The following FLI1 variants were observed in gnomAD, a reference collection of about 807,000 sequenced individuals.
FLI1 encodes Fli-1 proto-oncogene, ETS transcription factor.
Under a neutral mutation model 53.1 loss-of-function variants are expected in FLI1, and 13 were observed. The observed-to-expected ratio is 0.24, with a 90% CI of 0.16 to 0.39. The LOEUF is 0.39. Among genes scored for constraint, FLI1 ranks in the 10% least tolerant of loss-of-function variants. FLI1 has a pLI of 1.00. For missense variants in FLI1, 424 were observed against 600.5 expected (o/e 0.71, Z 3.07); for synonymous variants, 244 against 236.7 (o/e 1.03, Z -0.28).
chr11:128,695,585 A>G (rs1938035761), intron 1 of FLI1, among the ~76,000 whole-genome samples: 1 of 151,874 alleles, frequency 6.6e-6, no homozygotes, highest in Non-Finnish European at 1.5e-5. Flanking sequence ...TTTTTTTATG[A>G]AAGTTTGAAA....
intron 1 of FLI1, among the ~76,000 whole-genome samples, chr11:128,694,973 A>T (rs980439504): frequency 3.3e-5 from 5 of 150,770 alleles, no homozygotes; most frequent in African/African-American, 9.8e-5. Flanking sequence ...AACCTTCCCC[A>T]GCCCCCGTCC....
chr11:128,689,028 T>C (rs942521061), upstream of FLI1, among the ~76,000 whole-genome samples: 2 of 152,210 alleles, frequency 1.3e-5, no homozygotes, highest in African/African-American at 2.4e-5. Flanking sequence ...AGGCAAGTTC[T>C]AAAGGCTTAT....
At chr11:128,809,292 A>G (rs1942873840) in intron 8 of FLI1, 88 bp downstream of exon 8, 1 of 1,113,120 alleles carries the variant, frequency 9.0e-7, no homozygotes, top group Non-Finnish European at 1.4e-6. Flanking sequence ...AAGTCCAGAC[A>G]CCTGAGTGGG....
chr11:128,802,609 G>A (rs1942665288), intron 5 of FLI1, among the ~76,000 whole-genome samples: 2 of 152,230 alleles, frequency 1.3e-5, no homozygotes, highest in African/African-American at 4.8e-5. Context: ...ACCTATGTGA[G>A]GACTGTAGCA....
intron 1 of FLI1, among the ~76,000 whole-genome samples, chr11:128,745,727 A>T (rs377230393): frequency 1.7e-4 from 26 of 152,308 alleles, no homozygotes; most frequent in Middle Eastern, 3.4e-3. Flanking sequence ...GCTGCCAGTC[A>T]CACAAAGCGT....
At chr11:128,697,583 T>C (rs1565453952) in intron 1 of FLI1, among the ~76,000 whole-genome samples, 1 of 152,220 alleles carries the variant, frequency 6.6e-6, no homozygotes, top group Non-Finnish European at 1.5e-5. Context: ...TTTCCTTATC[T>C]AGAAAATGGG....
At chr11:128,697,152 TA>T (rs1410794460) in intron 1 of FLI1, among the ~76,000 whole-genome samples, 1 of 152,202 alleles carries the variant, frequency 6.6e-6, no homozygotes, top group African/African-American at 2.4e-5. Flanking sequence ...TTATCAGTGT[TA>T]AAAAGCACAT....
upstream of FLI1, among the ~76,000 whole-genome samples, chr11:128,685,708 CAAAAAAAAAAA>C (rs5795633): frequency 3.0e-4 from 17 of 57,618 alleles, no homozygotes; most frequent in Middle Eastern, 0.022. Flanking sequence ...CTTGAGGAGC[CAAAAAAAAAAA>C]AAAAAAAAAA....
At chr11:128,802,781 G>A (rs537966387) in intron 5 of FLI1, among the ~76,000 whole-genome samples, 2 of 152,218 alleles carry the variant, frequency 1.3e-5, no homozygotes, top group African/African-American at 4.8e-5. Flanking sequence ...CTTTAACCAG[G>A]CTCCATCACT....
chr11:128,741,623 G>A (rs644515), intron 1 of FLI1, among the ~76,000 whole-genome samples: 56,838 of 152,012 alleles, frequency 0.37, 10,915 homozygotes, highest in South Asian at 0.45. Context: ...CCTTCTTGCT[G>A]TGTGATCTGC....
chr11:128,779,616 C>T (rs1447063160), intron 4 of FLI1, among the ~76,000 whole-genome samples: 1 of 152,196 alleles, frequency 6.6e-6, no homozygotes, highest in Non-Finnish European at 1.5e-5. Context: ...ACATTGCATG[C>T]ATTATTTGAT....
At chr11:128,769,357 C>G (rs1476974169) in intron 3 of FLI1, among the ~76,000 whole-genome samples, 1 of 152,210 alleles carries the variant, frequency 6.6e-6, no homozygotes, top group Non-Finnish European at 1.5e-5. Flanking sequence ...ATAACTTTAC[C>G]AGAGAGGCAA....
intron 2 of FLI1, chr11:128,764,757 C>T (rs1412726307): frequency 6.3e-7 from 1 of 1,588,230 alleles, no homozygotes; most frequent in Admixed American, 1.7e-5. Context: ...CTTGCGCTGG[C>T]TGGAGGAGGC....
At chr11:128,775,557 G>A (rs1941704393) in intron 4 of FLI1, among the ~76,000 whole-genome samples, 1 of 152,206 alleles carries the variant, frequency 6.6e-6, no homozygotes, top group Non-Finnish European at 1.5e-5. Flanking sequence ...GGAGGCCATG[G>A]GCTGGCGATC....
chr11:128,687,656 G>T (rs1937603358), intron 1 of FLI1, among the ~76,000 whole-genome samples: 1 of 152,140 alleles, frequency 6.6e-6, no homozygotes, highest in South Asian at 2.1e-4. Flanking sequence ...GCAAATGCCA[G>T]GGCAGTCCCT....
At chr11:128,785,693 C>A (rs186174977) in intron 5 of FLI1, among the ~76,000 whole-genome samples, 1 of 152,314 alleles carries the variant, frequency 6.6e-6, no homozygotes, top group Admixed American at 6.5e-5. Flanking sequence ...TGCTTGGCAC[C>A]AGCCCTTAGT....
chr11:128,787,908 G>A (rs1291922599), intron 5 of FLI1, among the ~76,000 whole-genome samples: 2 of 149,670 alleles, frequency 1.3e-5, no homozygotes, highest in Non-Finnish European at 2.9e-5. Flanking sequence ...CCGGGTTCAC[G>A]CCATTCTCCT....
intron 1 of FLI1, among the ~76,000 whole-genome samples, chr11:128,688,601 C>CTGG (rs141028797): frequency 0.031 from 4,672 of 152,282 alleles, 255 homozygotes; most frequent in African/African-American, 0.1. Flanking sequence ...GGAGCCCAGC[C>CTGG]TGGCCCCTAG....
At position 128,781,834 on chromosome 11, in the gene FLI1, G is replaced by A. The variant is rs891078643; in HGVS notation, c.590-124G>A. The stretch of plus-strand genomic sequence containing the variant: ...CCATTCGCTTTTCCTTTCTTCCTAG[G>A]AGTCCTCTGTCCCTCTTCCCCTCTC... On this transcript the variant is annotated intron_variant, in intron 4 of 8. Coordinates refer to ENST00000527786, the MANE Select transcript of FLI1 (RefSeq NM_002017.5). The A allele has an allele frequency of 2.1e-5, 16 of 760,786 alleles. No homozygotes were observed. In the African/African-American group the frequency reaches 2.6e-4, roughly 12 times the overall value. 47.1% of individuals were successfully genotyped at this position (760,786 alleles called of 1,614,324 possible). A position where few individuals can be genotyped will look rare whatever the true frequency, so the allele number is the denominator to read the frequency against.
Sources: allele counts gnomAD v4.1 joint callset (sites outside exome capture counted in the v4.1 genomes callset), GRCh38; gene constraint gnomAD v4.1.1; transcripts MANE v1.5; gene names NCBI Gene and HGNC (gene_info 2026-07-23, HGNC 2026-07-21).